The following LRP1B variants were observed in gnomAD, a reference collection of about 807,000 sequenced individuals.
LRP1B encodes low-density lipoprotein receptor-related protein 1B.
A neutral mutation model predicts 556.6 loss-of-function variants in LRP1B; 217 were observed. That is an observed-to-expected ratio of 0.39 (90% CI 0.35 to 0.44). The LOEUF (loss-of-function observed/expected upper bound fraction) is 0.44, where lower values mean the gene tolerates loss of function less well. LRP1B is among the 20% of genes least tolerant of loss of function. The probability of loss-of-function intolerance (pLI) is 1.00; values close to 1 mark genes in which losing one functional copy is unlikely to be tolerated. For missense variants in LRP1B, 5,053 were observed against 5,620.8 expected (o/e 0.90, Z 3.23); for synonymous variants, 2,047 against 1,865.8 (o/e 1.10, Z -2.50).
intron 77 of LRP1B, among the ~76,000 whole-genome samples, chr2:140,349,194 C>T (rs935343892): frequency 2.0e-5 from 3 of 151,878 alleles, no homozygotes; most frequent in Admixed American, 2.0e-4. Context: ...GAACTAGAAC[C>T]CTGAACTAAA....
intron 32 of LRP1B, among the ~76,000 whole-genome samples, chr2:140,811,272 T>C (rs934633198): frequency 1.1e-4 from 16 of 152,176 alleles, no homozygotes; most frequent in African/African-American, 3.9e-4. Flanking sequence ...CATTTATCAG[T>C]CAACAAACCT....
At chr2:141,498,475 T>C (rs1020780129) in intron 2 of LRP1B, among the ~76,000 whole-genome samples, 1 of 151,970 alleles carries the variant, frequency 6.6e-6, no homozygotes, top group African/African-American at 2.4e-5. Flanking sequence ...ACACTGTCAT[T>C]TTGAAATATA....
chr2:140,898,347 G>C (rs769220638), intron 23 of LRP1B: 9 of 155,524 alleles, frequency 5.8e-5, no homozygotes, highest in Non-Finnish European at 1.1e-4. Context: ...AACCTAGTTA[G>C]TGTGGGTCCT....
chr2:140,981,266 A>G (rs926356453), intron 18 of LRP1B, among the ~76,000 whole-genome samples: 5 of 152,114 alleles, frequency 3.3e-5, no homozygotes, highest in Non-Finnish European at 7.4e-5. Context: ...AGAAAAATAT[A>G]ATAAACAGAA....
intron 37 of LRP1B, among the ~76,000 whole-genome samples, 154 bp downstream of exon 37, chr2:140,715,819 T>C (rs1407204828): frequency 6.9e-6 from 1 of 144,564 alleles, no homozygotes; most frequent in African/African-American, 2.5e-5. Flanking sequence ...TACTAAATTA[T>C]ATGAACAAAG....
At chr2:141,925,510 G>A (rs1700311103) in intron 1 of LRP1B, among the ~76,000 whole-genome samples, 1 of 152,112 alleles carries the variant, frequency 6.6e-6, no homozygotes, top group Non-Finnish European at 1.5e-5. Context: ...ATCTATTTGT[G>A]CTGAACACAC....
intron 25 of LRP1B, among the ~76,000 whole-genome samples, chr2:140,872,489 C>A (rs1432398021): frequency 6.8e-6 from 1 of 147,222 alleles, no homozygotes; most frequent in East Asian, 2.1e-4. Flanking sequence ...TTGTAATGAA[C>A]TGTAAGCACA....
intron 3 of LRP1B, among the ~76,000 whole-genome samples, chr2:141,420,626 A>G (rs115585254): frequency 0.014 from 2,207 of 152,294 alleles, 59 homozygotes; most frequent in African/African-American, 0.051. Flanking sequence ...CAAGGCAGGT[A>G]AGACATATTC....
At chr2:141,773,343 T>G (rs1694961667) in intron 2 of LRP1B, among the ~76,000 whole-genome samples, 1 of 152,244 alleles carries the variant, frequency 6.6e-6, no homozygotes, top group South Asian at 2.1e-4. Flanking sequence ...CATTAAACCC[T>G]TACTGCCCTA....
intron 1 of LRP1B, among the ~76,000 whole-genome samples, chr2:142,002,806 A>G (rs1702694502): frequency 6.6e-6 from 1 of 152,088 alleles, no homozygotes; most frequent in Non-Finnish European, 1.5e-5. Context: ...CAGAAAGAAG[A>G]GAGATGTAGT....
chr2:140,427,160 G>GT (rs975363055), intron 66 of LRP1B, among the ~76,000 whole-genome samples: 1 of 152,212 alleles, frequency 6.6e-6, no homozygotes, highest in Non-Finnish European at 1.5e-5. Context: ...TTCCCTTGGT[G>GT]TTTAATCATT....
chr2:141,473,870 C>T (rs1682577624), intron 3 of LRP1B, among the ~76,000 whole-genome samples: 1 of 152,108 alleles, frequency 6.6e-6, no homozygotes, highest in Non-Finnish European at 1.5e-5. Flanking sequence ...TGCTGAAATT[C>T]CACTCTATAG....
At chr2:141,805,122 G>A (rs541716532) in intron 2 of LRP1B, among the ~76,000 whole-genome samples, 8 of 152,166 alleles carry the variant, frequency 5.3e-5, no homozygotes, top group South Asian at 2.1e-4. Context: ...GAAAGAGATC[G>A]ACTGCATTTG....
chr2:140,315,754 A>G (rs548158032), intron 82 of LRP1B, among the ~76,000 whole-genome samples: 16 of 152,312 alleles, frequency 1.1e-4, no homozygotes, highest in African/African-American at 3.8e-4. Flanking sequence ...TAGCATATGC[A>G]CACACATACA....
chr2:141,443,291 T>C (rs1042026245), intron 3 of LRP1B, among the ~76,000 whole-genome samples: 2 of 152,246 alleles, frequency 1.3e-5, no homozygotes. Flanking sequence ...GTTTTTTTCT[T>C]GTAAATTTGT....
chr2:141,815,385 C>A (rs958596081), intron 1 of LRP1B, among the ~76,000 whole-genome samples: 1 of 152,098 alleles, frequency 6.6e-6, no homozygotes, highest in African/African-American at 2.4e-5. Flanking sequence ...TTCTGTCGTA[C>A]AAGAGGACTG....
intron 2 of LRP1B, among the ~76,000 whole-genome samples, chr2:141,675,310 G>C (rs1226906284): frequency 1.3e-5 from 2 of 151,766 alleles, no homozygotes; most frequent in Non-Finnish European, 2.9e-5. Context: ...TTGCTTTAGA[G>C]AGTTTTCTTT....
chr2:141,384,847 C>A (rs1310159632), intron 3 of LRP1B, among the ~76,000 whole-genome samples: 1 of 152,274 alleles, frequency 6.6e-6, no homozygotes, highest in Middle Eastern at 3.4e-3. Flanking sequence ...GAATGACTCA[C>A]CAGTTCTCCT....
At chr2:140,552,206 C>T (rs909084161) in intron 43 of LRP1B, among the ~76,000 whole-genome samples, 6 of 152,166 alleles carry the variant, frequency 3.9e-5, no homozygotes, top group East Asian at 3.9e-4. Flanking sequence ...TCCCTAGTAT[C>T]GTATTACAGA....
Sources: gnomAD v4.1 joint callset for allele counts (sites outside exome capture counted in the v4.1 genomes callset) on GRCh38, gnomAD v4.1.1 for gene constraint, MANE v1.5 for transcripts, NCBI Gene and HGNC (gene_info 2026-07-23, HGNC 2026-07-21) for gene names.